The following CELF4 variants were observed in gnomAD, a reference collection of about 807,000 sequenced individuals.
CELF4 encodes the protein CUG-BP- and ETR-3-like factor 4.
In CELF4, 18 loss-of-function variants were observed where a neutral mutation model predicts 59.9. The observed-to-expected ratio is 0.30, with a 90% CI of 0.21 to 0.45. The LOEUF (loss-of-function observed/expected upper bound fraction) is 0.45, where lower values mean the gene tolerates loss of function less well. CELF4 is among the 20% of genes least tolerant of loss of function. The pLI, the probability that CELF4 is intolerant of heterozygous loss-of-function variation, is 1.00. For synonymous variants in CELF4, 261 were observed against 267.1 expected (o/e 0.98, Z 0.22); for missense variants, 456 against 689.0 (o/e 0.66, Z 3.79).
intron 2 of CELF4, among the ~76,000 whole-genome samples, chr18:37,399,623 G>A (rs896682789): frequency 6.6e-6 from 1 of 152,150 alleles, no homozygotes; most frequent in African/African-American, 2.4e-5. Context: ...AACACAAAGT[G>A]CCTGAGATAC....
chr18:37,296,412 CCTT>C (rs1286250332), intron 3 of CELF4, among the ~76,000 whole-genome samples: 6 of 152,168 alleles, frequency 3.9e-5, no homozygotes, highest in African/African-American at 1.4e-4. Context: ...CCCCGGCTGA[CCTT>C]GACCTCTTGG....
chr18:37,547,277 C>T (rs972289547), intron 1 of CELF4, among the ~76,000 whole-genome samples: 16 of 151,976 alleles, frequency 1.1e-4, no homozygotes, highest in African/African-American at 3.9e-4. Flanking sequence ...CTGGAGCAGC[C>T]TTGGGTGGAC....
At chr18:37,374,896 T>C (rs1434213608) in intron 2 of CELF4, among the ~76,000 whole-genome samples, 1 of 152,196 alleles carries the variant, frequency 6.6e-6, no homozygotes, top group East Asian at 1.9e-4. Flanking sequence ...GGTCATGTAG[T>C]TCAGGGCCAA....
At chr18:37,524,829 C>T (rs117168248) in intron 1 of CELF4, among the ~76,000 whole-genome samples, 2 of 152,188 alleles carry the variant, frequency 1.3e-5, no homozygotes, top group African/African-American at 4.8e-5. Context: ...CCGCGGCTCC[C>T]GGCAGCGACC....
At chr18:37,468,162 G>A (rs1365073379) in intron 2 of CELF4, among the ~76,000 whole-genome samples, 4 of 152,216 alleles carry the variant, frequency 2.6e-5, no homozygotes, top group South Asian at 2.1e-4. Context: ...TAAGTGACTC[G>A]GGCTGTCAGG....
intron 2 of CELF4, among the ~76,000 whole-genome samples, chr18:37,427,820 C>T (rs1006875407): frequency 2.0e-5 from 3 of 152,232 alleles, no homozygotes; most frequent in Admixed American, 6.5e-5. Context: ...GAGTTCTCCA[C>T]ATGGTTGATA....
At chr18:37,475,642 C>A (rs965624773) in intron 2 of CELF4, among the ~76,000 whole-genome samples, 2 of 152,134 alleles carry the variant, frequency 1.3e-5, no homozygotes, top group East Asian at 3.9e-4. Context: ...TTGCTGGGGC[C>A]TGAAGCCATG....
At position 37,273,127 on chromosome 18, in the gene CELF4, C is replaced by T. The variant is rs150441111; in HGVS notation, c.838G>A (p.Ala280Thr). The change falls in exon 7 of 13, where the codon GCG becomes ACG. Residue 280 changes from alanine (A) to threonine (T), a missense_variant. Around this residue, in one of 7 missense-constraint regions of CELF4, gnomAD observed 256 missense variants for 340.8 expected, o/e 0.75. Coordinates refer to ENST00000420428, the MANE Select transcript of CELF4 (RefSeq NM_020180.4). Reference sequence around the variant, plus strand: ...ATGGGGTTCAGGTAGCCGCCCTGCGCGACTGATGCCATCAGGGCCGCTTGC... The same window carrying T: ...ATGGGGTTCAGGTAGCCGCCCTGCGTGACTGATGCCATCAGGGCCGCTTGC... Reference protein sequence around the residue: ...QQQAALMASVAQGGYLNPMAA... With the variant: ...QQQAALMASVTQGGYLNPMAA... 5.3e-5 allele frequency: 86 copies of T among 1,613,378 alleles called. No individual in the cohort carries two copies. Among genetic ancestry groups the T allele is most frequent in the African/African-American group, 8.0e-5 (6 of 75,066 alleles).
chr18:37,251,472 G>T (rs1161511191), intron 12 of CELF4, among the ~76,000 whole-genome samples: 1 of 152,184 alleles, frequency 6.6e-6, no homozygotes, highest in Non-Finnish European at 1.5e-5. Context: ...CTTGAGCCAA[G>T]GAGGCTAAGA....
intron 1 of CELF4, among the ~76,000 whole-genome samples, chr18:37,524,226 G>C (rs1310417731): frequency 1.3e-5 from 2 of 152,220 alleles, no homozygotes; most frequent in African/African-American, 4.8e-5. Flanking sequence ...TATCCACCTC[G>C]GGGAGGGAAG....
chr18:37,512,528 C>T (rs953249493), intron 1 of CELF4, among the ~76,000 whole-genome samples: 2 of 150,416 alleles, frequency 1.3e-5, no homozygotes, highest in African/African-American at 4.9e-5. Flanking sequence ...TCTTCCTTTT[C>T]TTCCTACTCC....
chr18:37,475,651 T>C (rs2099846804), intron 2 of CELF4, among the ~76,000 whole-genome samples: 1 of 152,154 alleles, frequency 6.6e-6, no homozygotes, highest in Non-Finnish European at 1.5e-5. Context: ...CCTGAAGCCA[T>C]GCCCAGCACC....
chr18:37,485,936 C>G (rs2099880506), intron 1 of CELF4: 1 of 208,906 alleles, frequency 4.8e-6, no homozygotes, highest in South Asian at 1.9e-4. Flanking sequence ...CCTGTTTCAG[C>G]GCCAGCCCCT....
At chr18:37,484,368 G>A (rs1241899207) in intron 2 of CELF4, among the ~76,000 whole-genome samples, 1 of 152,140 alleles carries the variant, frequency 6.6e-6, no homozygotes, top group Non-Finnish European at 1.5e-5. Context: ...GCATGTAGCC[G>A]CGCAACTGAA....
intron 2 of CELF4, among the ~76,000 whole-genome samples, chr18:37,423,235 T>C (rs906538175): frequency 2.6e-5 from 4 of 152,222 alleles, no homozygotes; most frequent in African/African-American, 9.6e-5. Context: ...GGGGCACAGA[T>C]GCAGGTGTGC....
At chr18:37,358,507 T>A (rs1180675039) in intron 2 of CELF4, among the ~76,000 whole-genome samples, 2 of 152,182 alleles carry the variant, frequency 1.3e-5, no homozygotes, top group Non-Finnish European at 2.9e-5. Flanking sequence ...TAAGACATTG[T>A]GTGCAATATG....
At chr18:37,532,958 G>A (rs1283158609) in intron 1 of CELF4, among the ~76,000 whole-genome samples, 1 of 152,250 alleles carries the variant, frequency 6.6e-6, no homozygotes. Flanking sequence ...AGGCACCAAA[G>A]TCTTTCTTCC....
chr18:37,555,695 A>G (rs2099984572), intron 1 of CELF4, among the ~76,000 whole-genome samples: 2 of 152,170 alleles, frequency 1.3e-5, no homozygotes, highest in Admixed American at 1.3e-4. Context: ...TGTCCACACA[A>G]CTGAATCACT....
At chr18:37,361,808 C>G (rs1366842146) in intron 2 of CELF4, among the ~76,000 whole-genome samples, 1 of 151,032 alleles carries the variant, frequency 6.6e-6, no homozygotes, top group Non-Finnish European at 1.5e-5. Flanking sequence ...GGGGGAGCAA[C>G]CTGGCCCATT....
Sources: gnomAD v4.1 joint callset for allele counts (sites outside exome capture counted in the v4.1 genomes callset) on GRCh38, gnomAD v4.1.1 for gene constraint, gnomAD v4.1.1 regional missense constraint, MANE v1.5 for transcripts, NCBI Gene and HGNC (gene_info 2026-07-23, HGNC 2026-07-21) for gene names.